Variants in STRN4 observed in about 807,000 individuals in gnomAD.
STRN4 encodes striatin-4.
STRN4 carries 27 observed loss-of-function variants against 77.9 expected under a neutral mutation model. The ratio of observed to expected loss-of-function variants is 0.35; its 90% CI spans 0.26 to 0.48. The LOEUF (loss-of-function observed/expected upper bound fraction) is 0.48, where lower values mean the gene tolerates loss of function less well. STRN4 is among the 20% of genes least tolerant of loss of function. STRN4 has a pLI of 0.99. For synonymous variants in STRN4, 466 were observed against 443.1 expected (o/e 1.05, Z -0.65); for missense variants, 798 against 1,049.7 (o/e 0.76, Z 3.31).
Position 46,738,850 on chromosome 19 carries a change from C to T in STRN4, c.321G>A (p.Gln107=). ...GCACCAGGTCCGTCTTTAGATTCTC[C>T]TGCCCTTTCCTCTCTCCCTGAAGGA... is the stretch of plus-strand genomic sequence containing the variant. ...VAFLQGERKG[Q]ENLKTDLVRR... Residue 107 remains glutamine (Q), a synonymous_variant, in exon 2 of 18, where the codon CAG becomes CAA. Coordinates refer to ENST00000263280, the MANE Select transcript of STRN4 (RefSeq NM_013403.3). This position sits in a 1 kb window ranked among gnomAD's most constrained non-coding sequence, Gnocchi z 4.5. 1 of 1,614,176 alleles carries T rather than the reference C, an allele frequency of 6.2e-7. No homozygotes were observed. Among genetic ancestry groups the T allele is most frequent in the South Asian group, 1.1e-5 (1 of 91,090 alleles).
chr19:46,730,857 C>T lies in STRN4; in HGVS notation c.754G>A (p.Asp252Asn). The change falls in exon 6 of 18, where the codon GAT becomes AAT. Residue 252 changes from aspartate to asparagine, a missense_variant. Around this residue, in one of 2 missense-constraint regions of STRN4, gnomAD observed 511 missense variants for 575.9 expected, o/e 0.89. Transcript: ENST00000263280. Reference protein sequence around the residue: ...EQIKRNAAGKDGKERLGGSVL... With the variant: ...EQIKRNAAGKNGKERLGGSVL... Reference sequence around the variant, plus strand: ...GAGCCGCCCAAGCGCTCTTTGCCATCTTTGCCTGCCGCGTTCCTGCCAAAG... The same window carrying T: ...GAGCCGCCCAAGCGCTCTTTGCCATTTTTGCCTGCCGCGTTCCTGCCAAAG... The T allele has an allele frequency of 6.2e-7, 1 of 1,611,496 alleles. No individual in the cohort carries two copies. The highest frequency in any genetic ancestry group is 1.3e-5 in the African/African-American group (1 of 75,074).
chr19:46,726,771 C>A (rs776073697), intron 9 of STRN4, among the ~76,000 whole-genome samples: 3 of 152,194 alleles, frequency 2.0e-5, no homozygotes, highest in Non-Finnish European at 4.4e-5. Context: ...CCTTAGCTGT[C>A]CCTTCTGCCA....
intron 5 of STRN4, among the ~76,000 whole-genome samples, chr19:46,731,130 G>T (rs959669389): frequency 4.5e-4 from 69 of 152,304 alleles, no homozygotes; most frequent in African/African-American, 1.5e-3. Context: ...GTTTCAGAGG[G>T]CCAGCCCCCA....
intron 6 of STRN4, among the ~76,000 whole-genome samples, chr19:46,730,356 G>A (rs2054219373): frequency 6.6e-6 from 1 of 152,172 alleles, no homozygotes; most frequent in Non-Finnish European, 1.5e-5. Context: ...GCCAGGGAAG[G>A]GAGCCCAGGG....
rs1179433813 is a variant in STRN4 at position 46,719,653 on chromosome 19, T to C, written c.*752A>G. On this transcript the variant is annotated 3_prime_UTR_variant, in exon 18 of 18. Coordinates refer to ENST00000263280, the MANE Select transcript of STRN4 (RefSeq NM_013403.3). ...GAGTGAAATAAATAGAGGGAAAGAGTGGAGACAGGGAGGAGACTGACTGAG... is the reference window on the plus strand; with the variant it reads ...GAGTGAAATAAATAGAGGGAAAGAGCGGAGACAGGGAGGAGACTGACTGAG... 1 of 150,664 alleles carries C rather than the reference T, an allele frequency of 6.6e-6. No homozygotes were observed. Among genetic ancestry groups the C allele is most frequent in the Non-Finnish European group, 1.5e-5 (1 of 67,514 alleles). 9.3% of individuals were successfully genotyped at this position (150,664 alleles called of 1,614,324 possible). A position where few individuals can be genotyped will look rare whatever the true frequency, so the allele number is the denominator to read the frequency against.
At chr19:46,734,386 G>C (rs1025712397) in intron 4 of STRN4, among the ~76,000 whole-genome samples, 4 of 152,142 alleles carry the variant, frequency 2.6e-5, no homozygotes, top group Non-Finnish European at 4.4e-5. Context: ...GTTATTGTTT[G>C]CACACACTTT....
At position 46,733,398 on chromosome 19, in the gene STRN4, A is replaced by G; in HGVS notation, c.540-162T>C. 9 of 658,310 alleles carry G rather than the reference A, an allele frequency of 1.4e-5. No individual in the cohort carries two copies. Among genetic ancestry groups the G allele is most frequent in the Non-Finnish European group, 2.1e-5 (8 of 380,408 alleles). The allele number at this position is 658,310 out of a possible 1,614,324, so 40.8% of individuals were successfully genotyped here. The stretch of plus-strand genomic sequence containing the variant: ...GCTCCAGCAGTTCCCCGTCAAGGCT[A>G]TTTCCAGTGGAAGCCCTTGTACACA... On this transcript the variant is annotated intron_variant, in intron 4 of 17. Transcript: ENST00000263280. The surrounding 1 kb of genome is among the most constrained non-coding windows in gnomAD (Gnocchi z 4.3).
intron 1 of STRN4, chr19:46,745,784 T>C: frequency 5.4e-6 from 1 of 184,866 alleles, no homozygotes; most frequent in Non-Finnish European, 1.1e-5. Context: ...TAGCCTCCCC[T>C]CCAGGGCTCG....
In STRN4 at chr19:46,720,647, G is replaced by C. The variant is rs913453410; in HGVS notation, c.2217C>G (p.Leu739=). 1.2e-6 allele frequency: 2 copies of C among 1,608,618 alleles called. No homozygotes were observed. The highest frequency in any genetic ancestry group is 1.7e-6 in the Non-Finnish European group (2 of 1,176,902). Residue 739 remains leucine (L), a synonymous_variant, in exon 17 of 18, where the codon CTC becomes CTG. Transcript: ENST00000263280. The stretch of plus-strand genomic sequence containing the variant: ...GGGCATCAGCGCCAGCACTGGCAAT[G>C]AGGGCCTTGCTGGGGTGGCAGGCAA... The part of the protein sequence containing the change: ...HAVACHPSKA[L]IASAGADALA...
intron 15 of STRN4, 58 bp from the exon 16 acceptor site, chr19:46,722,130 A>T (rs1454471522): frequency 6.8e-6 from 11 of 1,608,174 alleles, no homozygotes; most frequent in South Asian, 1.1e-5. Flanking sequence ...CGCCTGAGAG[A>T]GTGAAAGGAC....
rs1378862400 is a variant in STRN4, at chr19:46,733,167, C to T, written c.609G>A (p.Leu203=). 1.2e-6 allele frequency: 2 copies of T among 1,611,796 alleles called. No individual in the cohort carries two copies. Among genetic ancestry groups the T allele is most frequent in the South Asian group, 2.2e-5 (2 of 91,080 alleles). ...CCCCGTTGAGCTCCAGCGAGCGGCCCAGCAGGGAACGGACGCGCTTGGACC... is the reference window on the plus strand; with the variant it reads ...CCCCGTTGAGCTCCAGCGAGCGGCCTAGCAGGGAACGGACGCGCTTGGACC... ...DMRSKRVRSL[L]GRSLELNGAV... The change falls in exon 5 of 18, where the codon CTG becomes CTA. Residue 203 remains leucine (L), a synonymous_variant. Coordinates refer to ENST00000263280, the MANE Select transcript of STRN4 (RefSeq NM_013403.3). The surrounding 1 kb of genome is among the most constrained non-coding windows in gnomAD (Gnocchi z 4.3).
Position 46,728,027 on chromosome 19 carries a change from G to C in STRN4, c.1040-20C>G, listed in dbSNP as rs1239032391. ...GGCTTTCTGCAGGGTCGAGGCATAG[G>C]GCCGGAGTCACCCAGCAGTTCCAAC... On this transcript the variant is annotated intron_variant, in intron 7 of 17. Transcript: ENST00000263280. The C allele has an allele frequency of 6.2e-7, 1 of 1,608,964 alleles. No individual in the cohort carries two copies. The highest frequency in any genetic ancestry group is 1.1e-5 in the South Asian group (1 of 90,508).
In STRN4 at chr19:46,722,937, G is replaced by A. The variant is rs553137489; in HGVS notation, c.1779C>T (p.Pro593=). 3 of 1,613,882 alleles carry A rather than the reference G, an allele frequency of 1.9e-6. No homozygotes were observed. Among genetic ancestry groups the A allele is most frequent in the South Asian group, 2.2e-5 (2 of 91,084 alleles). ...CGGTGCTGGTGAAGGCCACTGAGGT[G>A]GGGACCCCGTGCTCTGAGGGCACAG... ...TFPTASEHGV[P]TSVAFTSTEP... The change falls in exon 14 of 18, where the codon CCC becomes CCT. Residue 593 remains proline, a synonymous_variant. Coordinates refer to ENST00000263280, the MANE Select transcript of STRN4 (RefSeq NM_013403.3).
In STRN4 at chr19:46,746,096, G is replaced by A. The variant is rs551160185; in HGVS notation, c.282+53C>T. 1.9e-5 allele frequency: 27 copies of A among 1,400,460 alleles called. No homozygotes were observed. The East Asian group carries it at 4.4e-4, about 23-fold the overall frequency. 86.8% of individuals were successfully genotyped at this position (1,400,460 alleles called of 1,614,324 possible). On this transcript the variant is annotated intron_variant, in intron 1 of 17. Coordinates refer to ENST00000263280, the MANE Select transcript of STRN4 (RefSeq NM_013403.3). ...GGCGGCGGCGGCGGCAGCGGGTGAGGCCGGGCCGGGCCGGGCCGGGTTGGG... is the reference window on the plus strand; with the variant it reads ...GGCGGCGGCGGCGGCAGCGGGTGAGACCGGGCCGGGCCGGGCCGGGTTGGG...
rs551675108 is a variant in STRN4, at chr19:46,741,438, G to C, written c.283-2550C>G. On this transcript the variant is annotated intron_variant, in intron 1 of 17. Coordinates refer to ENST00000263280, the MANE Select transcript of STRN4 (RefSeq NM_013403.3). This position sits in a 1 kb window ranked among gnomAD's most constrained non-coding sequence, Gnocchi z 4.9. ...CCCTTTCCCAGTGCCTCTGGAAAGA[G>C]AACCAGAAAGACATGGTTGGAGCAT... is the stretch of plus-strand genomic sequence containing the variant. Among the ~76,000 whole-genome samples the C allele has an allele frequency of 4.6e-5, 7 of 152,204 alleles. No homozygotes were observed. Among genetic ancestry groups the C allele is most frequent in the Non-Finnish European group, 1.0e-4 (7 of 68,034 alleles).
In STRN4 at chr19:46,746,381, CAGG is replaced by C; in HGVS notation, c.47_49del (p.Ser16del). The C allele has an allele frequency of 8.9e-7, 1 of 1,117,780 alleles. No homozygotes were observed. The highest frequency in any genetic ancestry group is 4.8e-5 in the East Asian group (1 of 20,908). 69.2% of individuals were successfully genotyped at this position (1,117,780 alleles called of 1,614,324 possible). A position where few individuals can be genotyped will look rare whatever the true frequency, so the allele number is the denominator to read the frequency against. On this transcript the variant is annotated inframe_deletion, in exon 1 of 18. Transcript: ENST00000263280. ...GCCCGCGCCTGAGCCGAGCGGACGG[CAGG>C]AGGAGGCGGCGGCGGCGACCGCGGC... is the stretch of plus-strand genomic sequence containing the variant.
Position 46,723,017 on chromosome 19 carries a change from G to A in STRN4, c.1766-67C>T. On this transcript the variant is annotated intron_variant, in intron 13 of 17. Transcript: ENST00000263280. The surrounding 1 kb of genome is among the most constrained non-coding windows in gnomAD (Gnocchi z 5.5). ...GACCCAGCCCTGCCCCAGGGTGGGGGACAGTGGGTGGGAGGCCTGGGGCCT... is the reference window on the plus strand; with the variant it reads ...GACCCAGCCCTGCCCCAGGGTGGGGAACAGTGGGTGGGAGGCCTGGGGCCT... 1 of 1,601,056 alleles carries A rather than the reference G, an allele frequency of 6.2e-7. No homozygotes were observed. The highest frequency in any genetic ancestry group is 8.5e-7 in the Non-Finnish European group (1 of 1,172,522).
At chr19:46,729,077 T>C (rs2054190148) in intron 6 of STRN4, among the ~76,000 whole-genome samples, 1 of 152,206 alleles carries the variant, frequency 6.6e-6, no homozygotes, top group South Asian at 2.1e-4. Context: ...ACAATCTGCC[T>C]GCAGGGAGGG....
chr19:46,725,248 G>C (rs2054081864), intron 11 of STRN4, 84 bp downstream of exon 11: 2 of 1,588,806 alleles, frequency 1.3e-6, no homozygotes, highest in Non-Finnish European at 1.7e-6. Flanking sequence ...TCCTGCCGTG[G>C]GCCTCCCGCG....
Sources: allele counts gnomAD v4.1 joint callset (sites outside exome capture counted in the v4.1 genomes callset), GRCh38; gene constraint gnomAD v4.1.1; regional missense constraint gnomAD v4.1.1; non-coding constraint Gnocchi (gnomAD v3.1); transcripts MANE v1.5; gene names NCBI Gene and HGNC (gene_info 2026-07-23, HGNC 2026-07-21).